Variants in LPP observed in about 807,000 individuals in gnomAD.
LPP encodes lipoma-preferred partner.
Under a neutral mutation model 60.4 loss-of-function variants are expected in LPP, and 38 were observed. The ratio of observed to expected loss-of-function variants is 0.63; its 90% CI spans 0.49 to 0.83. The LOEUF is 0.83. Ranked by LOEUF, LPP falls within the 40% of genes least tolerant of loss-of-function variation. The pLI is 0.00. For missense variants in LPP, 902 were observed against 783.6 expected, an observed-to-expected ratio of 1.15 and a Z score of -1.80; for synonymous variants, 328 against 290.8, an observed-to-expected ratio of 1.13 and a Z score of -1.30.
intron 7 of LPP, among the ~76,000 whole-genome samples, chr3:188,637,294 A>T (rs1849019723): frequency 6.6e-6 from 1 of 152,186 alleles, no homozygotes; most frequent in African/African-American, 2.4e-5. Flanking sequence ...AGGCAGAAAT[A>T]AAGATGTTCT....
At chr3:188,587,609 A>T (rs1837760895) in intron 6 of LPP, among the ~76,000 whole-genome samples, 1 of 152,234 alleles carries the variant, frequency 6.6e-6, no homozygotes, top group Non-Finnish European at 1.5e-5. Flanking sequence ...ATAGGCTAAT[A>T]AAAAGGCACT....
intron 3 of LPP, among the ~76,000 whole-genome samples, chr3:188,380,175 A>G (rs1438777930): frequency 6.6e-6 from 1 of 152,098 alleles, no homozygotes; most frequent in Non-Finnish European, 1.5e-5. Flanking sequence ...CTTACTTTTT[A>G]TGTTTGTTAG....
At chr3:188,440,442 A>G (rs73888484) in intron 4 of LPP, among the ~76,000 whole-genome samples, 12 of 152,162 alleles carry the variant, frequency 7.9e-5, no homozygotes, top group African/African-American at 2.9e-4. Context: ...ATTTCCTTCT[A>G]GGATTTTTTT....
intron 7 of LPP, among the ~76,000 whole-genome samples, chr3:188,704,664 A>G (rs1865123319): frequency 6.6e-6 from 1 of 152,130 alleles, no homozygotes; most frequent in African/African-American, 2.4e-5. Context: ...TAATGCCTGG[A>G]TGTTCCTAAT....
At position 188,168,439 on chromosome 3, in the gene LPP, A is replaced by T. The variant is rs532230029; in HGVS notation, c.-190+14187A>T. ...AACTGTGTCTACGTTGAAAAATCAG[A>T]GTCCTGATTTTTGGTTTAGAAAACA... On this transcript the variant is annotated intron_variant, in intron 1 of 11. Coordinates refer to ENST00000617246, the MANE Select transcript of LPP (RefSeq NM_001375462.1). Among the ~76,000 whole-genome samples the T allele has an allele frequency of 7.2e-5, 11 of 152,306 alleles. No individual in the cohort carries two copies. In the South Asian group the frequency reaches 2.3e-3, roughly 32 times the overall value.
At chr3:188,682,052 G>A (rs558068839) in intron 7 of LPP, among the ~76,000 whole-genome samples, 5 of 152,104 alleles carry the variant, frequency 3.3e-5, no homozygotes, top group East Asian at 1.9e-4. Flanking sequence ...CCATAATCCC[G>A]TGAAGTGAAT....
chr3:188,661,548 T>C (rs1007096189), intron 7 of LPP, among the ~76,000 whole-genome samples: 3 of 152,244 alleles, frequency 2.0e-5, no homozygotes, highest in Admixed American at 2.0e-4. Flanking sequence ...TTGCCTGTGG[T>C]AGCAGGCTTA....
intron 6 of LPP, among the ~76,000 whole-genome samples, chr3:188,569,641 C>T (rs1833053211): frequency 6.6e-6 from 1 of 151,934 alleles, no homozygotes; most frequent in Admixed American, 6.6e-5. Flanking sequence ...TCATTTCTCC[C>T]ATTTTTCAGC....
chr3:188,377,144 T>C (rs999749653), intron 3 of LPP, among the ~76,000 whole-genome samples: 3 of 152,240 alleles, frequency 2.0e-5, no homozygotes, highest in Non-Finnish European at 4.4e-5. Flanking sequence ...TAACATTTTT[T>C]CCTTCATTTC....
At chr3:188,338,130 A>G (rs530701526) in intron 2 of LPP, among the ~76,000 whole-genome samples, 77 of 152,382 alleles carry the variant, frequency 5.1e-4, no homozygotes, top group Non-Finnish European at 1.1e-3. Context: ...AGAAGATTTC[A>G]GTGCCTCTGA....
intron 6 of LPP, among the ~76,000 whole-genome samples, chr3:188,587,809 T>G (rs930331291): frequency 6.6e-6 from 1 of 152,224 alleles, no homozygotes; most frequent in Non-Finnish European, 1.5e-5. Flanking sequence ...TATTTGTCGA[T>G]GAGCTCACTC....
chr3:188,710,191 C>T (rs192791940), intron 8 of LPP: 1 of 152,246 alleles, frequency 6.6e-6, no homozygotes, highest in African/African-American at 2.4e-5. Flanking sequence ...CCACACCAGT[C>T]CAAAAACACA....
intron 2 of LPP, among the ~76,000 whole-genome samples, chr3:188,230,665 C>T (rs571099537): frequency 1.3e-5 from 2 of 150,938 alleles, no homozygotes; most frequent in South Asian, 2.1e-4. Flanking sequence ...CCCAGCTACT[C>T]GGGAGGCTGA....
chr3:188,807,706 C>G (rs1749599457), intron 9 of LPP, among the ~76,000 whole-genome samples: 1 of 152,012 alleles, frequency 6.6e-6, no homozygotes, highest in Non-Finnish European at 1.5e-5. Flanking sequence ...TTTCATAAGA[C>G]AGAATGAGAA....
intron 7 of LPP, among the ~76,000 whole-genome samples, chr3:188,649,225 A>C (rs1006054340): frequency 1.3e-5 from 2 of 152,254 alleles, no homozygotes; most frequent in African/African-American, 2.4e-5. Flanking sequence ...AATAGCTTTA[A>C]GTTTCCAGTA....
intron 5 of LPP, among the ~76,000 whole-genome samples, chr3:188,513,018 A>T (rs560639124): frequency 1.3e-5 from 2 of 152,338 alleles, no homozygotes; most frequent in South Asian, 4.1e-4. Context: ...AAGTTTTCTT[A>T]ATGTAAAAGT....
intron 6 of LPP, among the ~76,000 whole-genome samples, chr3:188,573,361 G>T (rs971642998): frequency 3.3e-5 from 5 of 152,084 alleles, no homozygotes; most frequent in Non-Finnish European, 7.4e-5. Flanking sequence ...AATAAGAGAT[G>T]AGGTTTGGTG....
chr3:188,580,557 C>T (rs545489904), intron 6 of LPP, among the ~76,000 whole-genome samples: 2 of 152,238 alleles, frequency 1.3e-5, no homozygotes, highest in South Asian at 4.1e-4. Context: ...TCAGCTTATA[C>T]TAGGAAGGCA....
At chr3:188,234,962 C>G (rs1337013519) in intron 2 of LPP, among the ~76,000 whole-genome samples, 3 of 152,186 alleles carry the variant, frequency 2.0e-5, no homozygotes, top group African/African-American at 7.2e-5. Flanking sequence ...AAATGCTTAG[C>G]TCTCTGCAAA....
Sources: gnomAD v4.1 joint callset for allele counts (sites outside exome capture counted in the v4.1 genomes callset) on GRCh38, gnomAD v4.1.1 for gene constraint, MANE v1.5 for transcripts, NCBI Gene and HGNC (gene_info 2026-07-23, HGNC 2026-07-21) for gene names.